Variants in MSL2 observed in about 807,000 individuals in gnomAD.
MSL2 encodes MSL complex subunit 2.
Under a neutral mutation model 35.8 loss-of-function variants are expected in MSL2, and 2 were observed. The observed-to-expected ratio is 0.06, with a 90% CI of 0.02 to 0.18. The LOEUF is 0.18. Among genes scored for constraint, MSL2 ranks in the 10% least tolerant of loss-of-function variants. The pLI, the probability that MSL2 is intolerant of heterozygous loss-of-function variation, is 1.00. For missense variants in MSL2, 523 were observed against 706.7 expected, an observed-to-expected ratio of 0.74 and a Z score of 2.95; for synonymous variants, 296 against 255.7, an observed-to-expected ratio of 1.16 and a Z score of -1.50.
intron 1 of MSL2, among the ~76,000 whole-genome samples, chr3:136,184,717 G>A (rs1018841338): frequency 8.3e-6 from 1 of 120,048 alleles, no homozygotes; most frequent in Non-Finnish European, 1.6e-5. Flanking sequence ...AATTCTTACA[G>A]GAGCAAGTTA....
At chr3:136,179,312 G>C (rs538989149) in intron 1 of MSL2, among the ~76,000 whole-genome samples, 4 of 151,940 alleles carry the variant, frequency 2.6e-5, no homozygotes, top group Non-Finnish European at 5.9e-5. Flanking sequence ...TCAAGCTCCC[G>C]AGTAGCTGGG....
chr3:136,194,273 A>T (rs540414556), intron 1 of MSL2: 3 of 284,296 alleles, frequency 1.1e-5, no homozygotes, highest in South Asian at 2.7e-4. Flanking sequence ...TTCTATCTTA[A>T]AAATTAAAGT....
chr3:136,179,240 G>A (rs1331410431), intron 1 of MSL2, among the ~76,000 whole-genome samples: 1 of 152,100 alleles, frequency 6.6e-6, no homozygotes, highest in Non-Finnish European at 1.5e-5. Context: ...AGGCTGGAGT[G>A]CAGCAGCACC....
intron 1 of MSL2, among the ~76,000 whole-genome samples, chr3:136,188,371 T>A (rs6779146): frequency 2.0e-5 from 3 of 150,628 alleles, no homozygotes; most frequent in African/African-American, 7.4e-5. Context: ...GAAGCAGAGG[T>A]TGCAGTGAGC....
chr3:136,163,023 G>A (rs1260885522), intron 1 of MSL2, among the ~76,000 whole-genome samples: 1 of 150,758 alleles, frequency 6.6e-6, no homozygotes, highest in African/African-American at 2.4e-5. Flanking sequence ...AGAGAGAAAA[G>A]GTTACATTAA....
At chr3:136,171,495 T>C (rs1257487215) in intron 1 of MSL2, among the ~76,000 whole-genome samples, 1 of 152,208 alleles carries the variant, frequency 6.6e-6, no homozygotes, top group Non-Finnish European at 1.5e-5. Flanking sequence ...CAGCCAAGGA[T>C]GATTCCCAGA....
Position 136,195,920 on chromosome 3 carries a change from C to G in MSL2, c.-807G>C. On this transcript the variant is annotated 5_prime_UTR_variant, in exon 1 of 2. Coordinates refer to ENST00000309993, the MANE Select transcript of MSL2 (RefSeq NM_018133.4). ...GGCCGCGGCGGCGCCCCTCGCGCCT[C>G]AGTCGCACACTCCGGGGTCACCAGA... 1.6e-6 allele frequency: 1 copy of G among 636,918 alleles called. No homozygotes were observed. The highest frequency in any genetic ancestry group is 1.9e-6 in the Non-Finnish European group (1 of 513,096). The allele number at this position is 636,918 out of a possible 1,614,324, so 39.5% of individuals were successfully genotyped here.
rs369568084 is a variant in MSL2, at chr3:136,183,026, TCAAA to T, written c.142+11942_142+11945del. 1.1e-3 allele frequency among the ~76,000 whole-genome samples: 174 copies of T among 152,192 alleles called. 1 individual carries two copies. In the South Asian group the frequency reaches 0.017, roughly 15 times the overall value. On this transcript the variant is annotated intron_variant, in intron 1 of 1. Transcript: ENST00000309993. Reference sequence around the variant, plus strand: ...AGCTTAAAAACAAGCCTTGAAAGGATCAAACAGTCTCCAAGTAACTTAGCCTCAT... The same window carrying T: ...AGCTTAAAAACAAGCCTTGAAAGGATCAGTCTCCAAGTAACTTAGCCTCAT...
At chr3:136,181,245 A>T (rs1412297080) in intron 1 of MSL2, among the ~76,000 whole-genome samples, 2 of 152,098 alleles carry the variant, frequency 1.3e-5, no homozygotes. Context: ...TTATCGACTT[A>T]ATTTTCTTAA....
rs947527839 is a variant in MSL2, at chr3:136,195,714, C to T, written c.-601G>A. On this transcript the variant is annotated 5_prime_UTR_variant, in exon 1 of 2. Transcript: ENST00000309993. ...TTGCGGCTGGCGGACGCCGCCGCCG[C>T]GCTCTCCATATCGGACGCGGGGCCC... 4.4e-5 allele frequency: 43 copies of T among 985,086 alleles called. No homozygotes were observed. The highest frequency in any genetic ancestry group is 5.2e-5 in the Non-Finnish European group (43 of 829,868). The allele number at this position is 985,086 out of a possible 1,614,324, so 61.0% of individuals were successfully genotyped here. A position where few individuals can be genotyped will look rare whatever the true frequency, so the allele number is the denominator to read the frequency against.
intron 1 of MSL2, among the ~76,000 whole-genome samples, chr3:136,181,103 A>G (rs903955036): frequency 4.9e-4 from 75 of 152,052 alleles, no homozygotes; most frequent in Non-Finnish European, 3.2e-4. Context: ...CAGTGAGGTG[A>G]GATTGCGCCA....
intron 1 of MSL2, among the ~76,000 whole-genome samples, chr3:136,184,190 G>T (rs570704885): frequency 2.0e-5 from 3 of 152,198 alleles, no homozygotes; most frequent in Non-Finnish European, 2.9e-5. Flanking sequence ...CAGCTACTCG[G>T]GAGGCTGAGG....
chr3:136,172,555 T>A (rs1313384774), intron 1 of MSL2, among the ~76,000 whole-genome samples: 1 of 152,176 alleles, frequency 6.6e-6, no homozygotes, highest in African/African-American at 2.4e-5. Context: ...TGGTTCATTA[T>A]TCTTCCCTTG....
chr3:136,189,155 G>C (rs1416374025), intron 1 of MSL2, among the ~76,000 whole-genome samples: 1 of 123,866 alleles, frequency 8.1e-6, no homozygotes, highest in East Asian at 2.5e-4. Flanking sequence ...CAAAAATAAG[G>C]CGAGCATGGT....
Position 136,151,178 on chromosome 3 carries a change from T to A in MSL2, c.1703A>T (p.Asp568Val). 1.2e-6 allele frequency: 2 copies of A among 1,614,028 alleles called. No homozygotes were observed. Among genetic ancestry groups the A allele is most frequent in the Non-Finnish European group, 1.7e-6 (2 of 1,179,876 alleles). ...GTCGAATCTCATGTCTATAGCTTCA[T>A]CCAAACTTTTATCATCATGTGTACT... ...AASTHDDKSL[D>V]EAIDMRFDC The change falls in exon 2 of 2, where the codon GAT becomes GTT. Residue 568 changes from aspartate to valine, a missense_variant. Physicochemically the swap from Asp to Val is radical, Grantham distance 152 (BLOSUM62 -3). Coordinates refer to ENST00000309993, the MANE Select transcript of MSL2 (RefSeq NM_018133.4). This position sits in a 1 kb window ranked among gnomAD's most constrained non-coding sequence, Gnocchi z 5.2.
chr3:136,174,422 A>C (rs1379918685), intron 1 of MSL2, among the ~76,000 whole-genome samples: 2 of 152,248 alleles, frequency 1.3e-5, no homozygotes, highest in Non-Finnish European at 2.9e-5. Flanking sequence ...GCATACACAG[A>C]GACAATTTTA....
intron 1 of MSL2, among the ~76,000 whole-genome samples, chr3:136,180,804 GGGAGGGAA>G (rs1940330419): frequency 1.6e-4 from 8 of 51,426 alleles, no homozygotes; most frequent in Non-Finnish European, 2.0e-4. Flanking sequence ...GAGGGAGGGA[GGGAGGGAA>G]GGAGGGAAGG....
In MSL2 at chr3:136,151,692, T is replaced by C. The variant is rs1200664467; in HGVS notation, c.1189A>G (p.Ile397Val). The C allele has an allele frequency of 6.2e-7, 1 of 1,614,094 alleles. No individual in the cohort carries two copies. The highest frequency in any genetic ancestry group is 8.5e-7 in the Non-Finnish European group (1 of 1,179,992). Reference sequence around the variant, plus strand: ...GTAGATAAAAGTACAGTTTTGCTGATTTTAGGTGTTGTGCCTCCATTGGGA... The same window carrying C: ...GTAGATAAAAGTACAGTTTTGCTGACTTTAGGTGTTGTGCCTCCATTGGGA... ...TVPNGGTTPK[I>V]SKTVLLSTKS... is the part of the protein sequence containing the mutation. Residue 397 changes from isoleucine (I) to valine (V), a missense_variant, in exon 2 of 2, where the codon ATC (isoleucine) becomes GTC (valine). Ile to Val is a conservative substitution (Grantham distance 29). This residue lies in a region of MSL2 where 361 missense variants were observed against 414.6 expected (regional missense o/e 0.87). Coordinates refer to ENST00000309993, the MANE Select transcript of MSL2 (RefSeq NM_018133.4). The surrounding 1 kb of genome is among the most constrained non-coding windows in gnomAD (Gnocchi z 5.2).
intron 1 of MSL2, among the ~76,000 whole-genome samples, chr3:136,163,376 G>C (rs900718705): frequency 3.9e-5 from 6 of 152,194 alleles, no homozygotes; most frequent in African/African-American, 1.4e-4. Context: ...ATGTGTGTGT[G>C]TATTTCCTAG....
Sources: gnomAD v4.1 joint callset for allele counts (sites outside exome capture counted in the v4.1 genomes callset) on GRCh38, gnomAD v4.1.1 for gene constraint, gnomAD v4.1.1 regional missense constraint, Gnocchi (gnomAD v3.1) non-coding constraint, MANE v1.5 for transcripts, NCBI Gene and HGNC (gene_info 2026-07-23, HGNC 2026-07-21) for gene names.